The following RRM2 variants were observed in gnomAD, a reference collection of about 807,000 sequenced individuals.
The protein encoded by RRM2 is ribonucleoside-diphosphate reductase subunit M2.
In RRM2, 6 loss-of-function variants were observed where a neutral mutation model predicts 45.9. That is an observed-to-expected ratio of 0.13 (90% CI 0.07 to 0.26). The LOEUF is 0.26. Ranked by LOEUF, RRM2 falls within the 10% of genes least tolerant of loss-of-function variation. RRM2 has a pLI of 1.00. For synonymous variants in RRM2, 177 were observed against 173.0 expected, an observed-to-expected ratio of 1.02 and a Z score of -0.18; for missense variants, 343 against 489.5, an observed-to-expected ratio of 0.70 and a Z score of 2.82.
chr2:10,158,995 T>C (rs1452136243), intron 3 of RRM2, among the ~76,000 whole-genome samples: 1 of 152,224 alleles, frequency 6.6e-6, no homozygotes, highest in African/African-American at 2.4e-5. Flanking sequence ...GCCCAGATCA[T>C]CGGTCCTTTG....
chr2:10,150,783 T>TTC (rs1663294393), intron 3 of RRM2, among the ~76,000 whole-genome samples: 1 of 149,406 alleles, frequency 6.7e-6, no homozygotes, highest in African/African-American at 2.4e-5. Context: ...TTTTTTTTTT[T>TTC]TTTTTTTGAT....
At chr2:10,209,788 C>T (rs1449843989) in intron 3 of RRM2, among the ~76,000 whole-genome samples, 1 of 152,202 alleles carries the variant, frequency 6.6e-6, no homozygotes, top group Non-Finnish European at 1.5e-5. Flanking sequence ...AATCTGGGCT[C>T]AGTGAATCGG....
chr2:10,170,540 G>C (rs1358453815), intron 3 of RRM2, among the ~76,000 whole-genome samples: 1 of 152,138 alleles, frequency 6.6e-6, no homozygotes, highest in East Asian at 1.9e-4. Flanking sequence ...AGGGGAACAA[G>C]AGAGAATGAT....
rs60421650 is a variant in RRM2, at chr2:10,184,091, T to TAAAAAAAAAAAAAAAA, written n.483-26206_483-26191dup. 3.9e-4 allele frequency among the ~76,000 whole-genome samples: 12 copies of TAAAAAAAAAAAAAAAA among 30,684 alleles called. 2 individuals are homozygous for TAAAAAAAAAAAAAAAA. The highest frequency in any genetic ancestry group is 6.4e-4 in the African/African-American group (4 of 6,258). 20.1% of individuals were successfully genotyped at this position (30,684 alleles called of 152,430 possible). On this transcript the variant is annotated intron_variant and non_coding_transcript_variant, in intron 3 of 3. Coordinates refer to the RRM2 transcript ENST00000381786. Reference sequence around the variant, plus strand: ...CTGGGTGACAGAGCGAGACTCCATCTAAAAAAAAAAAAAAAAAAAAAAAAA... The same window carrying TAAAAAAAAAAAAAAAA: ...CTGGGTGACAGAGCGAGACTCCATCTAAAAAAAAAAAAAAAAAAAAAAAAAAAAAAAAAAAAAAAAA...
At position 10,129,171 on chromosome 2, in the gene RRM2, A is replaced by G. The variant is rs1385201582; in HGVS notation, c.1017+17A>G. 5.6e-6 allele frequency: 9 copies of G among 1,613,942 alleles called. No homozygotes were observed. Among genetic ancestry groups the G allele is most frequent in the Non-Finnish European group, 5.1e-6 (6 of 1,179,766 alleles). ...TTTAGCAAGGTAAAGTATTGTTTAC[A>G]TAGCCTTTTGCTTGTTTTGAAGCTG... is the stretch of plus-strand genomic sequence containing the variant. On this transcript the variant is annotated intron_variant, in intron 9 of 9. Transcript: ENST00000304567. This position sits in a 1 kb window ranked among gnomAD's most constrained non-coding sequence, Gnocchi z 4.8.
In RRM2 at chr2:10,172,996, C is replaced by A. The variant is rs1015742268; in HGVS notation, n.482+30621C>A. Among the ~76,000 whole-genome samples the A allele has an allele frequency of 6.6e-6, 1 of 152,146 alleles. No individual in the cohort carries two copies. Among genetic ancestry groups the A allele is most frequent in the Non-Finnish European group, 1.5e-5 (1 of 68,030 alleles). On this transcript the variant is annotated intron_variant and non_coding_transcript_variant, in intron 3 of 3. Transcript: ENST00000381786. This position sits in a 1 kb window ranked among gnomAD's most constrained non-coding sequence, Gnocchi z 4.9. ...GTCTTCCTTGTCTGTCCTCTCCTGC[C>A]GCCTCCATTCAACTTTCTCCCTTCT... is the stretch of plus-strand genomic sequence containing the variant.
chr2:10,193,703 GC>G (rs1664356956), intron 3 of RRM2, among the ~76,000 whole-genome samples: 1 of 152,224 alleles, frequency 6.6e-6, no homozygotes, highest in Non-Finnish European at 1.5e-5. Context: ...CAAGTCCCAT[GC>G]CCTAACTGGG....
intron 3 of RRM2, among the ~76,000 whole-genome samples, chr2:10,167,675 G>A (rs1469419687): frequency 1.3e-5 from 2 of 152,182 alleles, no homozygotes; most frequent in Non-Finnish European, 2.9e-5. Flanking sequence ...GTGGAGAGGT[G>A]GGATCAGGGC....
At chr2:10,156,091 G>A (rs1187705514) in intron 3 of RRM2, 3 of 152,222 alleles carry the variant, frequency 2.0e-5, no homozygotes, top group African/African-American at 4.8e-5. Flanking sequence ...CTAGACCTTG[G>A]AGCTCTAACT....
chr2:10,202,933 G>A (rs1016334224), intron 3 of RRM2, among the ~76,000 whole-genome samples: 1 of 152,142 alleles, frequency 6.6e-6, no homozygotes, highest in African/African-American at 2.4e-5. Flanking sequence ...CTTCCTCTGC[G>A]ATCATCCAGA....
At position 10,195,755 on chromosome 2, in the gene RRM2, G is replaced by A. The variant is rs1407242396; in HGVS notation, n.483-14556G>A. 6.6e-6 allele frequency among the ~76,000 whole-genome samples: 1 copy of A among 152,204 alleles called. No homozygotes were observed. The highest frequency in any genetic ancestry group is 1.5e-5 in the Non-Finnish European group (1 of 68,038). On this transcript the variant is annotated intron_variant and non_coding_transcript_variant, in intron 3 of 3. Coordinates refer to the RRM2 transcript ENST00000381786. This position sits in a 1 kb window ranked among gnomAD's most constrained non-coding sequence, Gnocchi z 4.9. ...CAGGGACGTGTCGTGACTGGCTGAAGGCTGTCACGGTGGTCCTGTGTAGGA... is the reference window on the plus strand; with the variant it reads ...CAGGGACGTGTCGTGACTGGCTGAAAGCTGTCACGGTGGTCCTGTGTAGGA...
At chr2:10,139,303 GTTA>G (rs1318711138), upstream of RRM2, among the ~76,000 whole-genome samples, 1 of 152,224 alleles carries the variant, frequency 6.6e-6, no homozygotes, top group Admixed American at 6.5e-5. Context: ...TAAAGTAGAA[GTTA>G]TTATTGGCAA....
At chr2:10,163,982 G>T (rs952500567) in intron 3 of RRM2, among the ~76,000 whole-genome samples, 1 of 151,910 alleles carries the variant, frequency 6.6e-6, no homozygotes, top group Middle Eastern at 3.4e-3. Flanking sequence ...CATTTCCCTC[G>T]AGCTAAAGCA....
At chr2:10,149,600 C>T (rs756922147) in intron 3 of RRM2, among the ~76,000 whole-genome samples, 32 of 152,094 alleles carry the variant, frequency 2.1e-4, no homozygotes, top group Non-Finnish European at 2.9e-4. Context: ...GTAGATGCTG[C>T]GCTGTTTGCT....
At chr2:10,135,762 A>T (rs1273813659), downstream of RRM2, among the ~76,000 whole-genome samples, 2 of 152,180 alleles carry the variant, frequency 1.3e-5, no homozygotes, top group African/African-American at 4.8e-5. Flanking sequence ...AGCCCATTAG[A>T]GATAGAAGTT....
chr2:10,136,000 T>G (rs527352383), downstream of RRM2, among the ~76,000 whole-genome samples: 2 of 152,158 alleles, frequency 1.3e-5, no homozygotes, highest in East Asian at 3.9e-4. Flanking sequence ...CTACACACAG[T>G]CCCTAGGTTT....
At position 10,200,683 on chromosome 2, in the gene RRM2, G is replaced by A. The variant is rs191896108; in HGVS notation, n.483-9628G>A. ...AATATGAGGCCCACAGGGACTGCGCGCACAAATTATGAGTCCCACGGGGAC... is the reference window on the plus strand; with the variant it reads ...AATATGAGGCCCACAGGGACTGCGCACACAAATTATGAGTCCCACGGGGAC... On this transcript the variant is annotated intron_variant and non_coding_transcript_variant, in intron 3 of 3. Coordinates refer to the RRM2 transcript ENST00000381786. 2.5e-3 allele frequency among the ~76,000 whole-genome samples: 312 copies of A among 126,694 alleles called. 35 individuals carry two copies. Among genetic ancestry groups the A allele is most frequent in the African/African-American group, 7.1e-3 (238 of 33,376 alleles). 83.1% of individuals were successfully genotyped at this position (126,694 alleles called of 152,430 possible).
intron 3 of RRM2, among the ~76,000 whole-genome samples, chr2:10,182,765 T>G (rs1394295868): frequency 6.6e-6 from 1 of 152,206 alleles, no homozygotes; most frequent in Non-Finnish European, 1.5e-5. Context: ...CCCTCCCAGG[T>G]CATCACCGTG....
downstream of RRM2, among the ~76,000 whole-genome samples, chr2:10,132,473 A>G (rs1662920025): frequency 6.6e-6 from 1 of 151,510 alleles, no homozygotes; most frequent in South Asian, 2.1e-4. Context: ...GCTGCTTCCG[A>G]CTCCTGTGTT....
Sources: gnomAD v4.1 joint callset for allele counts (sites outside exome capture counted in the v4.1 genomes callset) on GRCh38, gnomAD v4.1.1 for gene constraint, Gnocchi (gnomAD v3.1) non-coding constraint, MANE v1.5 for transcripts, NCBI Gene and HGNC (gene_info 2026-07-23, HGNC 2026-07-21) for gene names.